The following NOL12 variants were observed in gnomAD, a reference collection of about 807,000 sequenced individuals.
NOL12 encodes the protein nucleolar protein 12.
NOL12 carries 21 observed loss-of-function variants against 25.2 expected under a neutral mutation model. That is an observed-to-expected ratio of 0.83 (90% CI 0.59 to 1.20). The LOEUF (loss-of-function observed/expected upper bound fraction) is 1.20. Among genes scored for constraint, NOL12 ranks in the 50% most tolerant of loss-of-function variants. The pLI is 0.00. For synonymous variants in NOL12, 133 were observed against 113.8 expected (o/e 1.17, Z -1.08); for missense variants, 286 against 287.6 (o/e 0.99, Z 0.04).
intron 5 of NOL12, 49 bp from the exon 6 acceptor site, chr22:37,691,125 A>G: frequency 6.5e-7 from 1 of 1,543,946 alleles, no homozygotes; most frequent in South Asian, 1.2e-5. Context: ...CCAGGTGGTG[A>G]GTCACCCCAC....
chr22:37,686,722 G>C (rs1921832567), intron 1 of NOL12: 5 of 985,434 alleles, frequency 5.1e-6, no homozygotes, highest in Non-Finnish European at 4.8e-6. Flanking sequence ...TCGGGTCTCA[G>C]AGCAGTGGCT....
Position 37,690,331 on chromosome 22 carries a change from AAAAAC to A in NOL12, c.382-350_382-346del, listed in dbSNP as rs200155882. ...GGTGACAGAGCGAGACTCCATCTCA[AAAAAC>A]AAAACAAAACAAAACCATACTGATC... On this transcript the variant is annotated intron_variant, in intron 4 of 5. Coordinates refer to ENST00000359114, the MANE Select transcript of NOL12 (RefSeq NM_024313.3). 4.2e-3 allele frequency among the ~76,000 whole-genome samples: 646 copies of A among 152,326 alleles called. 6 individuals carry two copies. Among genetic ancestry groups the A allele is most frequent in the African/African-American group, 0.015 (603 of 41,564 alleles).
At position 37,689,108 on chromosome 22, in the gene NOL12, G is replaced by T. The variant is rs574521224; in HGVS notation, c.381+116G>T. On this transcript the variant is annotated intron_variant, in intron 4 of 5. Transcript: ENST00000359114. ...CCACTGCCAGCCCTGGGAAGAAGGG[G>T]CGTGGGGGCAGACTGGCTTGTCGGG... 5.4e-6 allele frequency: 7 copies of T among 1,285,076 alleles called. No homozygotes were observed. In the East Asian group the frequency reaches 1.6e-4, roughly 30 times the overall value. The allele number at this position is 1,285,076 out of a possible 1,614,324, so 79.6% of individuals were successfully genotyped here.
rs761888429 is a variant in NOL12 at position 37,687,941 on chromosome 22, G to A, written c.115G>A (p.Val39Ile). 1.6e-5 allele frequency: 25 copies of A among 1,584,598 alleles called. No homozygotes were observed. Among genetic ancestry groups the A allele is most frequent in the Non-Finnish European group, 2.0e-5 (23 of 1,165,692 alleles). ...EYLTGFHKRKVERKKAAIEEI... is the reference protein window; with the variant it reads ...EYLTGFHKRKIERKKAAIEEI... ...CCTGACAGGCTTCCACAAGCGGAAG[G>A]TCGAGCGAAAGAAGGCAGCCATTGA... is the stretch of plus-strand genomic sequence containing the variant. The change falls in exon 2 of 6, where the codon GTC (valine) becomes ATC (isoleucine). Residue 39 changes from valine to isoleucine, a missense_variant. By Grantham distance (29) the Val-to-Ile change is conservative. Coordinates refer to ENST00000359114, the MANE Select transcript of NOL12 (RefSeq NM_024313.3).
rs1922081745 is a variant in NOL12, at chr22:37,691,831, C to G, written c.*495C>G. ...TAGAATCCAGAGCCCACCTGCTGCT[C>G]TGAAAAGCAGGCTCCTGAGGCCAGT... On this transcript the variant is annotated 3_prime_UTR_variant, in exon 6 of 6. Coordinates refer to ENST00000359114, the MANE Select transcript of NOL12 (RefSeq NM_024313.3). The G allele has an allele frequency of 6.5e-6, 1 of 153,438 alleles. No individual in the cohort carries two copies. The highest frequency in any genetic ancestry group is 1.5e-5 in the Non-Finnish European group (1 of 68,962). 9.5% of individuals were successfully genotyped at this position (153,438 alleles called of 1,614,324 possible). A position where few individuals can be genotyped will look rare whatever the true frequency, so the allele number is the denominator to read the frequency against.
At chr22:37,688,144 CAGGT>C in intron 2 of NOL12, 129 bp downstream of exon 2, 1 of 1,049,440 alleles carries the variant, frequency 9.5e-7, no homozygotes, top group Middle Eastern at 2.6e-4. Flanking sequence ...ATAGTTTATA[CAGGT>C]GGAGACTCTG....
rs1302857902 is a variant in NOL12 at position 37,688,956 on chromosome 22, C to T, written c.345C>T (p.Leu115=). The stretch of plus-strand genomic sequence containing the variant: ...TGACCACCATCAGTGACCTGGACCT[C>T]TCGGGGGCCCGGCTGCTCGGGCTGA... ...VTVTTISDLD[L]SGARLLGLTP... The change falls in exon 4 of 6, where the codon CTC becomes CTT. Residue 115 remains leucine (L), a synonymous_variant. Coordinates refer to ENST00000359114, the MANE Select transcript of NOL12 (RefSeq NM_024313.3). The T allele has an allele frequency of 1.8e-5, 29 of 1,613,512 alleles. No individual in the cohort carries two copies. The highest frequency in any genetic ancestry group is 2.5e-5 in the Non-Finnish European group (29 of 1,180,004).
Position 37,688,989 on chromosome 22 carries a change from T to A in NOL12, c.378T>A (p.Pro126=). The A allele has an allele frequency of 6.2e-7, 1 of 1,611,458 alleles. No homozygotes were observed. Among genetic ancestry groups the A allele is most frequent in the Non-Finnish European group, 8.5e-7 (1 of 1,179,918 alleles). The stretch of plus-strand genomic sequence containing the variant: ...CCCGGCTGCTCGGGCTGACCCCACC[T>A]GAGGTGGGTCCCAGTCTCAGCCCTG... The part of the protein sequence containing the change: ...SGARLLGLTP[P]EGGAGDRSEE... Residue 126 remains proline, a synonymous_variant, in exon 4 of 6, where the codon CCT becomes CCA. Transcript: ENST00000359114.
intron 1 of NOL12, 83 bp from the exon 2 acceptor site, chr22:37,687,827 G>C (rs1351768540): frequency 4.9e-6 from 5 of 1,012,606 alleles, no homozygotes; most frequent in Admixed American, 4.1e-5. Context: ...TAGTGAGCGC[G>C]GCATTAGCCA....
intron 2 of NOL12, 96 bp from the exon 3 acceptor site, chr22:37,688,216 A>G (rs1921908205): frequency 7.3e-6 from 10 of 1,377,118 alleles, no homozygotes; most frequent in Non-Finnish European, 9.3e-6. Context: ...TGCAGTATGG[A>G]TCATGGTCTC....
Position 37,690,604 on chromosome 22 carries a change from C to A in NOL12, c.382-93C>A. 4 of 843,476 alleles carry A rather than the reference C, an allele frequency of 4.7e-6. No individual in the cohort carries two copies. In the South Asian group the frequency reaches 4.8e-5, roughly 10 times the overall value. The allele number at this position is 843,476 out of a possible 1,614,324, so 52.2% of individuals were successfully genotyped here. On this transcript the variant is annotated intron_variant, in intron 4 of 5. Coordinates refer to ENST00000359114, the MANE Select transcript of NOL12 (RefSeq NM_024313.3). ...CAGGCCTGTGATGCAGCAGGGCGCG[C>A]CACCACTTGCCAGAGCCATGGTGGC...
intron 1 of NOL12, 55 bp downstream of exon 1, chr22:37,686,530 C>T: frequency 3.9e-6 from 6 of 1,527,164 alleles, no homozygotes; most frequent in Non-Finnish European, 5.3e-6. Context: ...CGGCCAAGGC[C>T]AGGTCTGGGG....
Position 37,693,271 on chromosome 22 carries a change from C to T in NOL12, c.*1935C>T, listed in dbSNP as rs1004218951. On this transcript the variant is annotated 3_prime_UTR_variant, in exon 6 of 6. Coordinates refer to ENST00000359114, the MANE Select transcript of NOL12 (RefSeq NM_024313.3). ...CCAGATACCTACCTCTTAGGGCTGCCCCGAGACTAAAATAAGACCATGTGC... is the reference window on the plus strand; with the variant it reads ...CCAGATACCTACCTCTTAGGGCTGCTCCGAGACTAAAATAAGACCATGTGC... 6.6e-6 allele frequency: 1 copy of T among 152,326 alleles called. No homozygotes were observed. Among genetic ancestry groups the T allele is most frequent in the Non-Finnish European group, 1.5e-5 (1 of 68,084 alleles). 9.4% of individuals were successfully genotyped at this position (152,326 alleles called of 1,614,324 possible). A position where few individuals can be genotyped will look rare whatever the true frequency, so the allele number is the denominator to read the frequency against.
At position 37,688,284 on chromosome 22, in the gene NOL12, A is replaced by C; in HGVS notation, c.190-28A>C. 10 of 1,613,436 alleles carry C rather than the reference A, an allele frequency of 6.2e-6. No homozygotes were observed. In the South Asian group the frequency reaches 9.9e-5, roughly 16 times the overall value. ...GAGGTTGGACTGAGAGGCCATACTC[A>C]CTGTGTTCCCTGCCTGTGTGGTTTC... On this transcript the variant is annotated intron_variant, in intron 2 of 5. Transcript: ENST00000359114.
rs780244300 is a variant in NOL12 at position 37,688,991 on chromosome 22, A to T, written c.380A>T (p.Glu127Val). The T allele has an allele frequency of 1.9e-6, 3 of 1,611,232 alleles. No homozygotes were observed. Among genetic ancestry groups the T allele is most frequent in the East Asian group, 4.5e-5 (2 of 44,868 alleles). The change falls in exon 4 of 6, where the codon GAG (glutamate) becomes GTG (valine). Residue 127 changes from glutamate (E) to valine (V), a missense_variant and splice_region_variant. Glu to Val is a moderately radical substitution (Grantham distance 121). Coordinates refer to ENST00000359114, the MANE Select transcript of NOL12 (RefSeq NM_024313.3). The stretch of plus-strand genomic sequence containing the variant: ...CGGCTGCTCGGGCTGACCCCACCTG[A>T]GGTGGGTCCCAGTCTCAGCCCTGGG... ...GARLLGLTPP[E>V]GGAGDRSEEE...
At position 37,691,578 on chromosome 22, in the gene NOL12, C is replaced by T; in HGVS notation, c.*242C>T. On this transcript the variant is annotated 3_prime_UTR_variant, in exon 6 of 6. Coordinates refer to ENST00000359114, the MANE Select transcript of NOL12 (RefSeq NM_024313.3). ...CCTCCCCCAGGAAGAGCCTTCAGAG[C>T]CACGTGGGGGCATCTTCCCAAATGT... The T allele has an allele frequency of 2.1e-6, 1 of 478,466 alleles. No homozygotes were observed. The highest frequency in any genetic ancestry group is 3.6e-6 in the Non-Finnish European group (1 of 274,582). The allele number at this position is 478,466 out of a possible 1,614,324, so 29.6% of individuals were successfully genotyped here. A position where few individuals can be genotyped will look rare whatever the true frequency, so the allele number is the denominator to read the frequency against.
At position 37,692,475 on chromosome 22, in the gene NOL12, C is replaced by T. The variant is rs562781843; in HGVS notation, c.*1139C>T. The T allele has an allele frequency of 7.5e-6, 3 of 398,698 alleles. No individual in the cohort carries two copies. Among genetic ancestry groups the T allele is most frequent in the Admixed American group, 4.4e-5 (1 of 22,734 alleles). The allele number at this position is 398,698 out of a possible 1,614,324, so 24.7% of individuals were successfully genotyped here. A position where few individuals can be genotyped will look rare whatever the true frequency, so the allele number is the denominator to read the frequency against. On this transcript the variant is annotated 3_prime_UTR_variant, in exon 6 of 6. Coordinates refer to ENST00000359114, the MANE Select transcript of NOL12 (RefSeq NM_024313.3). ...AGGGGCCATGTCTTCACACTCCTTCCAGATGGATGAGTTGATGGAAACCCT... is the reference window on the plus strand; with the variant it reads ...AGGGGCCATGTCTTCACACTCCTTCTAGATGGATGAGTTGATGGAAACCCT...
Position 37,688,861 on chromosome 22 carries a change from G to A in NOL12, c.250G>A (p.Glu84Lys). 1 of 1,614,098 alleles carries A rather than the reference G, an allele frequency of 6.2e-7. No homozygotes were observed. Among genetic ancestry groups the A allele is most frequent in the Non-Finnish European group, 8.5e-7 (1 of 1,180,020 alleles). The change falls in exon 4 of 6, where the codon GAG becomes AAG. Residue 84 changes from glutamate (E) to lysine (K), a missense_variant. Physicochemically the swap from Glu to Lys is moderately conservative, Grantham distance 56. Transcript: ENST00000359114. Reference protein sequence around the residue: ...EREEALEEADELDRLVTAKTE... With the variant: ...EREEALEEADKLDRLVTAKTE... ...GTCCACCCCCACAGAGGAGGCAGAT[G>A]AGCTGGACCGGTTGGTGACAGCAAA... is the stretch of plus-strand genomic sequence containing the variant.
chr22:37,689,011 C>T lies in NOL12; in HGVS notation c.381+19C>T, dbSNP rs772936826. 18 of 1,608,524 alleles carry T rather than the reference C, an allele frequency of 1.1e-5. No homozygotes were observed. In the East Asian group the frequency reaches 2.7e-4, roughly 24 times the overall value. On this transcript the variant is annotated intron_variant, in intron 4 of 5. Coordinates refer to ENST00000359114, the MANE Select transcript of NOL12 (RefSeq NM_024313.3). ...ACCTGAGGTGGGTCCCAGTCTCAGC[C>T]CTGGGAGGAAGGGGCGTGGGGGCAG...
Sources: gnomAD v4.1 joint callset for allele counts (sites outside exome capture counted in the v4.1 genomes callset) on GRCh38, gnomAD v4.1.1 for gene constraint, MANE v1.5 for transcripts, NCBI Gene and HGNC (gene_info 2026-07-23, HGNC 2026-07-21) for gene names.